Variants in PRR5 observed in about 807,000 individuals in gnomAD.
PRR5 encodes proline-rich protein 5.
PRR5 carries 25 observed loss-of-function variants against 30.6 expected under a neutral mutation model. The ratio of observed to expected loss-of-function variants is 0.82; its 90% CI spans 0.60 to 1.14. The LOEUF is 1.14. PRR5 is among the 50% of genes most tolerant of loss of function. The pLI, the probability that PRR5 is intolerant of heterozygous loss-of-function variation, is 0.00. For synonymous variants in PRR5, 286 were observed against 247.1 expected (o/e 1.16, Z -1.48); for missense variants, 600 against 547.1 (o/e 1.10, Z -0.96).
chr22:44,701,420 AT>A (rs1309974296), upstream of PRR5, among the ~76,000 whole-genome samples: 4 of 152,252 alleles, frequency 2.6e-5, no homozygotes, highest in Admixed American at 1.3e-4. Flanking sequence ...CAACTGGAAA[AT>A]GGGGAGAAGA....
chr22:44,680,378 C>A (rs898635322), intron 1 of PRR5, among the ~76,000 whole-genome samples: 2 of 151,798 alleles, frequency 1.3e-5, no homozygotes, highest in Non-Finnish European at 2.9e-5. Context: ...CTAAAGTGCA[C>A]GTTTAGTGGA....
At position 44,702,263 on chromosome 22, in the gene PRR5, T is replaced by A; in HGVS notation, c.-212T>A. ...CGCCTGGCGCTCCACGCTGAGCCTC[T>A]CCGTGCAATGATTAACCCGGCGGGG... is the stretch of plus-strand genomic sequence containing the variant. On this transcript the variant is annotated 5_prime_UTR_variant, in exon 1 of 8. Coordinates refer to ENST00000336985, the MANE Select transcript of PRR5 (RefSeq NM_181333.4). 1 of 1,141,038 alleles carries A rather than the reference T, an allele frequency of 8.8e-7. No homozygotes were observed. The highest frequency in any genetic ancestry group is 1.1e-6 in the Non-Finnish European group (1 of 928,806). 70.7% of individuals were successfully genotyped at this position (1,141,038 alleles called of 1,614,324 possible). A position where few individuals can be genotyped will look rare whatever the true frequency, so the allele number is the denominator to read the frequency against.
intron 2 of PRR5, 91 bp from the exon 3 acceptor site, chr22:44,725,153 C>G (rs1930485935): frequency 1.3e-6 from 2 of 1,576,396 alleles, no homozygotes; most frequent in Admixed American, 3.4e-5. Flanking sequence ...CTGATCTCCC[C>G]CTGCCCAGGA....
intron 6 of PRR5, among the ~76,000 whole-genome samples, chr22:44,732,878 A>G (rs984797205): frequency 1.4e-5 from 2 of 147,458 alleles, no homozygotes; most frequent in Non-Finnish European, 3.0e-5. Context: ...TACACACTGC[A>G]CACACACACC....
At chr22:44,703,183 C>T (rs1427567056) in intron 1 of PRR5, among the ~76,000 whole-genome samples, 1 of 152,188 alleles carries the variant, frequency 6.6e-6, no homozygotes, top group Admixed American at 6.5e-5. Context: ...TGGGAAGCCC[C>T]TTCTCCCAGC....
chr22:44,729,933 G>C (rs1288643039), intron 4 of PRR5: 1 of 985,364 alleles, frequency 1.0e-6, no homozygotes, highest in Non-Finnish European at 1.2e-6. Flanking sequence ...GGGACTTTGT[G>C]TGTGGGCACA....
Position 44,702,295 on chromosome 22 carries a change from G to C in PRR5, c.-180G>C, listed in dbSNP as rs1926440340. 4.4e-6 allele frequency: 5 copies of C among 1,148,592 alleles called. No homozygotes were observed. The highest frequency in any genetic ancestry group is 1.6e-5 in the African/African-American group (1 of 61,220). The allele number at this position is 1,148,592 out of a possible 1,614,324, so 71.2% of individuals were successfully genotyped here. On this transcript the variant is annotated 5_prime_UTR_variant, in exon 1 of 8. Transcript: ENST00000336985. The stretch of plus-strand genomic sequence containing the variant: ...AATGATTAACCCGGCGGGGCGGCCG[G>C]CGCGGGACCCGAGACGGAGGCGCGG...
chr22:44,678,887 G>A (rs867555324), intron 1 of PRR5, among the ~76,000 whole-genome samples: 3 of 152,232 alleles, frequency 2.0e-5, no homozygotes, highest in South Asian at 2.1e-4. Context: ...AGCAGCATTC[G>A]ATGAATTGAG....
intron 1 of PRR5, among the ~76,000 whole-genome samples, chr22:44,713,575 T>G (rs1344735032): frequency 6.6e-6 from 1 of 151,966 alleles, no homozygotes; most frequent in Non-Finnish European, 1.5e-5. Context: ...TATGTTGCCC[T>G]GGCTGGTCTT....
At chr22:44,670,926 CAT>C (rs1389031519) in intron 1 of PRR5, among the ~76,000 whole-genome samples, 4 of 152,298 alleles carry the variant, frequency 2.6e-5, no homozygotes, top group East Asian at 1.9e-4. Context: ...TCTTCTGGGA[CAT>C]GTGTGAGAAG....
chr22:44,681,847 C>T (rs1028802606), intron 1 of PRR5, among the ~76,000 whole-genome samples: 1 of 152,136 alleles, frequency 6.6e-6, no homozygotes, highest in Non-Finnish European at 1.5e-5. Flanking sequence ...GGCAAACTGC[C>T]CTGTTCAGAG....
chr22:44,699,476 T>G (rs531231555), upstream of PRR5, among the ~76,000 whole-genome samples: 346 of 152,392 alleles, frequency 2.3e-3, no homozygotes, highest in African/African-American at 7.9e-3. Context: ...ACGGAGATTC[T>G]CGCTCACATC....
At chr22:44,682,507 A>AC (rs36089350) in intron 1 of PRR5, among the ~76,000 whole-genome samples, 2 of 151,612 alleles carry the variant, frequency 1.3e-5, no homozygotes, top group East Asian at 1.9e-4. Flanking sequence ...TGAAATGAAG[A>AC]CCCCCTGCGC....
upstream of PRR5, among the ~76,000 whole-genome samples, chr22:44,697,738 G>T (rs1332948117): frequency 6.6e-6 from 1 of 152,216 alleles, no homozygotes; most frequent in Admixed American, 6.5e-5. Flanking sequence ...CAGGGCTCCA[G>T]CCTCAGCTCC....
intron 5 of PRR5, 39 bp downstream of exon 5, chr22:44,731,860 CT>C (rs1240104027): frequency 6.3e-7 from 1 of 1,590,716 alleles, no homozygotes; most frequent in Non-Finnish European, 8.6e-7. Context: ...CCCAGTGCCC[CT>C]GCTGTGCCCA....
chr22:44,708,508 C>T (rs940229393), intron 1 of PRR5, among the ~76,000 whole-genome samples: 2 of 152,148 alleles, frequency 1.3e-5, no homozygotes, highest in Non-Finnish European at 2.9e-5. Context: ...TGCCCCAACC[C>T]TGCACCCGTG....
Position 44,732,237 on chromosome 22 carries a change from C to T in PRR5, c.415-14C>T. 6.2e-7 allele frequency: 1 copy of T among 1,609,308 alleles called. No homozygotes were observed. The highest frequency in any genetic ancestry group is 8.5e-7 in the Non-Finnish European group (1 of 1,178,730). On this transcript the variant is annotated splice_polypyrimidine_tract_variant and intron_variant, in intron 5 of 7. Coordinates refer to ENST00000336985, the MANE Select transcript of PRR5 (RefSeq NM_181333.4). ...TGACCACAGCCGGTGGGGTGGGGTG[C>T]CTTCCGTCCACAGGGCAAGGAGCCA... is the stretch of plus-strand genomic sequence containing the variant.
chr22:44,679,027 C>G (rs1338908493), intron 1 of PRR5, among the ~76,000 whole-genome samples: 1 of 152,168 alleles, frequency 6.6e-6, no homozygotes, highest in Admixed American at 6.5e-5. Context: ...CCATGGGAGT[C>G]AGTGCCTTGG....
chr22:44,672,701 G>A (rs914204271), upstream of PRR5, among the ~76,000 whole-genome samples: 1 of 152,204 alleles, frequency 6.6e-6, no homozygotes, highest in African/African-American at 2.4e-5. Context: ...TGGAAGGGAG[G>A]GGCTGCCTGC....
Sources: allele counts gnomAD v4.1 joint callset (sites outside exome capture counted in the v4.1 genomes callset), GRCh38; gene constraint gnomAD v4.1.1; transcripts MANE v1.5; gene names NCBI Gene and HGNC (gene_info 2026-07-23, HGNC 2026-07-21).